NSUN2: variants seen among roughly 807,000 people sequenced by gnomAD.
NSUN2 encodes the protein RNA cytosine C(5)-methyltransferase NSUN2.
Under a neutral mutation model 92.7 loss-of-function variants are expected in NSUN2, and 63 were observed. The observed-to-expected ratio is 0.68, with a 90% CI of 0.56 to 0.84. The LOEUF is 0.84. Among genes scored for constraint, NSUN2 ranks in the 40% least tolerant of loss-of-function variants. NSUN2 has a pLI of 0.00. For missense variants in NSUN2, 989 were observed against 964.9 expected (o/e 1.02, Z -0.33); for synonymous variants, 356 against 348.3 (o/e 1.02, Z -0.25).
At chr5:6,603,820 C>T (rs370551955) in intron 17 of NSUN2, 4 of 247,112 alleles carry the variant, frequency 1.6e-5, no homozygotes, top group African/African-American at 9.0e-5. Context: ...ACAGGCTGAC[C>T]CCTCCTCTCC....
At chr5:6,625,827 G>T (rs1737632667) in intron 3 of NSUN2, among the ~76,000 whole-genome samples, 158 bp from the exon 4 acceptor site, 1 of 152,220 alleles carries the variant, frequency 6.6e-6, no homozygotes, top group African/African-American at 2.4e-5. Context: ...AACACTCAGA[G>T]ATGTCGCTGT....
chr5:6,604,788 A>C, intron 15 of NSUN2, 103 bp from the exon 16 acceptor site: 1 of 951,980 alleles, frequency 1.1e-6, no homozygotes, highest in Admixed American at 1.9e-5. Flanking sequence ...ATGGGAAAGG[A>C]GAGGAGAAGC....
chr5:6,607,150 G>A, intron 13 of NSUN2, 50 bp downstream of exon 13: 1 of 1,574,352 alleles, frequency 6.4e-7, no homozygotes, highest in Non-Finnish European at 8.7e-7. Flanking sequence ...AATCCAAAAG[G>A]ACTGTGAAGA....
At chr5:6,605,037 T>A (rs1414177766) in intron 15 of NSUN2, 2 of 613,052 alleles carry the variant, frequency 3.3e-6, no homozygotes, top group African/African-American at 3.7e-5. Flanking sequence ...CTCACCCCCC[T>A]GCGGGAATGG....
At chr5:6,607,526 T>C in intron 12 of NSUN2, 142 bp from the exon 13 acceptor site, 1 of 720,504 alleles carries the variant, frequency 1.4e-6, no homozygotes, top group Non-Finnish European at 2.2e-6. Context: ...ACAGAATTTT[T>C]TTAAAGTGTC....
rs534526344 is a variant in NSUN2, at chr5:6,600,290, G to A, written c.1998-58C>T. The A allele has an allele frequency of 6.2e-5, 92 of 1,488,612 alleles. No homozygotes were observed. The South Asian group carries it at 1.1e-3, about 18-fold the overall frequency. The allele number at this position is 1,488,612 out of a possible 1,614,324, so 92.2% of individuals were successfully genotyped here. A position where few individuals can be genotyped will look rare whatever the true frequency, so the allele number is the denominator to read the frequency against. ...AAACATTCCCATAACTAAATCGAAT[G>A]AGATGTAATATGCAACTGCTTAAAA... On this transcript the variant is annotated intron_variant, in intron 18 of 18. Coordinates refer to ENST00000264670, the MANE Select transcript of NSUN2 (RefSeq NM_017755.6).
chr5:6,611,222 C>T, intron 10 of NSUN2, 137 bp from the exon 11 acceptor site: 1 of 910,860 alleles, frequency 1.1e-6, no homozygotes, highest in Non-Finnish European at 1.6e-6. Flanking sequence ...GATTATTTGC[C>T]AAGACAAAAC....
chr5:6,629,930 T>G (rs1737807683), intron 3 of NSUN2, among the ~76,000 whole-genome samples: 1 of 152,230 alleles, frequency 6.6e-6, no homozygotes, highest in African/African-American at 2.4e-5. Context: ...CCCGGCGATG[T>G]GGAAATGTGA....
Position 6,599,653 on chromosome 5 carries a change from T to A in NSUN2, c.*273A>T. ...GATAGAAGTACAACTTTTGAAAGTC[T>A]ATTCCCAGCAAAAGAAACACTAGAC... On this transcript the variant is annotated 3_prime_UTR_variant, in exon 19 of 19. Coordinates refer to ENST00000264670, the MANE Select transcript of NSUN2 (RefSeq NM_017755.6). 1 of 399,672 alleles carries A rather than the reference T, an allele frequency of 2.5e-6. No homozygotes were observed. The allele number at this position is 399,672 out of a possible 1,614,324, so 24.8% of individuals were successfully genotyped here.
intron 3 of NSUN2, among the ~76,000 whole-genome samples, chr5:6,629,597 T>C (rs1486786177): frequency 2.6e-5 from 4 of 152,340 alleles, no homozygotes; most frequent in Non-Finnish European, 2.9e-5. Flanking sequence ...AGCACATACA[T>C]GCATCACTGC....
chr5:6,615,398 G>C (rs557021090), intron 9 of NSUN2, among the ~76,000 whole-genome samples: 13 of 152,126 alleles, frequency 8.5e-5, no homozygotes, highest in Non-Finnish European at 1.0e-4. Context: ...CCTAACAACT[G>C]ACCCCAAATC....
intron 5 of NSUN2, 81 bp downstream of exon 5, chr5:6,623,133 A>G: frequency 8.3e-7 from 1 of 1,211,312 alleles, no homozygotes. Flanking sequence ...TATATTAAGA[A>G]AAAATGGTTT....
chr5:6,620,038 T>A, intron 7 of NSUN2, 68 bp downstream of exon 7: 1 of 1,317,308 alleles, frequency 7.6e-7, no homozygotes, highest in South Asian at 1.5e-5. Flanking sequence ...ATGCACAACT[T>A]CATTTTAGTC....
rs372574598 is a variant in NSUN2, at chr5:6,599,971, G to A, written c.2259C>T (p.Asp753=). ...CCGCCGGGTCACAGCCTGCTGTCAC[G>A]TCTGGACTGTTGGCCTCTTCTGCAT... ...SPDAEEANSP[D]VTAGCDPAGV... is the part of the protein sequence containing the mutation. Residue 753 remains aspartate, a synonymous_variant, in exon 19 of 19, where the codon GAC becomes GAT. Coordinates refer to ENST00000264670, the MANE Select transcript of NSUN2 (RefSeq NM_017755.6). 2.4e-5 allele frequency: 39 copies of A among 1,614,042 alleles called. No homozygotes were observed. Among genetic ancestry groups the A allele is most frequent in the Middle Eastern group, 1.7e-4 (1 of 6,050 alleles).
At chr5:6,626,544 T>G (rs1737662427) in intron 3 of NSUN2, among the ~76,000 whole-genome samples, 1 of 152,182 alleles carries the variant, frequency 6.6e-6, no homozygotes, top group African/African-American at 2.4e-5. Context: ...AGATGTGGTT[T>G]TGCCGTGTTG....
intron 15 of NSUN2, 197 bp from the exon 16 acceptor site, chr5:6,604,882 T>C (rs1258917508): frequency 1.6e-6 from 1 of 611,742 alleles, no homozygotes; most frequent in Non-Finnish European, 2.9e-6. Flanking sequence ...GTAAAGCAAA[T>C]GAAAGAAGGG....
chr5:6,609,929 A>G lies in NSUN2; in HGVS notation c.1227-7T>C, dbSNP rs1215370857. On this transcript the variant is annotated splice_region_variant and splice_polypyrimidine_tract_variant and intron_variant, in intron 11 of 18. Transcript: ENST00000264670. ...ATGGGGTAATATCCTAAGGCTAAAT[A>G]TATATATATAATTCACACCTCTGAA... 1.3e-6 allele frequency: 2 copies of G among 1,567,258 alleles called. No homozygotes were observed. Among genetic ancestry groups the G allele is most frequent in the South Asian group, 2.3e-5 (2 of 88,254 alleles).
At chr5:6,612,258 C>G (rs986628796) in intron 9 of NSUN2, among the ~76,000 whole-genome samples, 1 of 152,220 alleles carries the variant, frequency 6.6e-6, no homozygotes, top group Non-Finnish European at 1.5e-5. Context: ...ACGCCTGCTC[C>G]GTCTCCCCAT....
rs201440475 is a variant in NSUN2 at position 6,611,121 on chromosome 5, A to G, written c.1096-36T>C. ...ACAGGGTACATTCCAGATTACTAGC[A>G]CTATCCAATACCAACAAAAATCACA... On this transcript the variant is annotated intron_variant, in intron 10 of 18. Transcript: ENST00000264670. The G allele has an allele frequency of 1.2e-5, 19 of 1,608,242 alleles. No homozygotes were observed. The African/African-American group carries it at 2.1e-4, about 18-fold the overall frequency.
Sources: gnomAD v4.1 joint callset for allele counts (sites outside exome capture counted in the v4.1 genomes callset) on GRCh38, gnomAD v4.1.1 for gene constraint, MANE v1.5 for transcripts, NCBI Gene and HGNC (gene_info 2026-07-23, HGNC 2026-07-21) for gene names.